SNX7: variants seen among roughly 807,000 people sequenced by gnomAD.
The protein encoded by SNX7 is sorting nexin 7.
SNX7 carries 35 observed loss-of-function variants against 48.4 expected under a neutral mutation model. That is an observed-to-expected ratio of 0.72 (90% CI 0.55 to 0.96). The LOEUF is 0.96. SNX7 is among the 40% of genes least tolerant of loss of function. The pLI, the probability that SNX7 is intolerant of heterozygous loss-of-function variation, is 0.00. For synonymous variants in SNX7, 190 were observed against 190.2 expected (o/e 1.00, Z 0.01); for missense variants, 553 against 548.9 (o/e 1.01, Z -0.07).
chr1:98,720,711 T>A (rs1446556019), intron 7 of SNX7, among the ~76,000 whole-genome samples: 1 of 152,150 alleles, frequency 6.6e-6, no homozygotes, highest in Admixed American at 6.6e-5. Context: ...CACATGTGGC[T>A]ATTGGTACCA....
chr1:98,727,003 G>T (rs1341467103), intron 7 of SNX7, among the ~76,000 whole-genome samples: 1 of 152,172 alleles, frequency 6.6e-6, no homozygotes, highest in Non-Finnish European at 1.5e-5. Flanking sequence ...GAGATCAGAA[G>T]ATCGAGACCA....
rs376006567 is a variant in SNX7 at position 98,691,937 on chromosome 1, A to ACACACTCTCTCTCTCT, written c.639+239_639+240insACACTCTCTCTCTCTC. Among the ~76,000 whole-genome samples the ACACACTCTCTCTCTCT allele has an allele frequency of 8.3e-3, 1,085 of 131,142 alleles. 6 individuals carry two copies. The highest frequency in any genetic ancestry group is 0.013 in the South Asian group (48 of 3,752). The allele number at this position is 131,142 out of a possible 152,430, so 86.0% of individuals were successfully genotyped here. On this transcript the variant is annotated intron_variant, in intron 4 of 8. Transcript: ENST00000306121. Reference sequence around the variant, plus strand: ...TATACACACACACACACACACACACACTCTCTCTCTCTCTCTCTCTCTCTC... The same window carrying ACACACTCTCTCTCTCT: ...TATACACACACACACACACACACACACACACTCTCTCTCTCTCTCTCTCTCTCTCTCTCTCTCTCTC...
At chr1:98,723,041 C>G (rs1652967894) in intron 7 of SNX7, among the ~76,000 whole-genome samples, 2 of 152,016 alleles carry the variant, frequency 1.3e-5, no homozygotes, top group Non-Finnish European at 2.9e-5. Context: ...ATGAATAGAC[C>G]CCAGGCCCCT....
rs1304378699 is a variant in SNX7, at chr1:98,738,304, G to T, written c.1193G>T (p.Trp398Leu). 6.2e-7 allele frequency: 1 copy of T among 1,613,576 alleles called. No individual in the cohort carries two copies. The stretch of plus-strand genomic sequence containing the variant: ...GCTAATAATGCCCTGAAAGCAGATT[G>T]GGAGAGATGGAAACAAAATATGCAA... ...ECANNALKAD[W>L]ERWKQNMQND... The change falls in exon 8 of 9, where the codon TGG becomes TTG. Residue 398 changes from tryptophan to leucine, a missense_variant. By Grantham distance (61) the Trp-to-Leu change is moderately conservative. Coordinates refer to ENST00000306121, the MANE Select transcript of SNX7 (RefSeq NM_015976.5).
intron 8 of SNX7, 34 bp from the exon 9 acceptor site, chr1:98,760,020 G>A (rs745622955): frequency 2.2e-6 from 3 of 1,363,652 alleles, no homozygotes; most frequent in Non-Finnish European, 3.2e-6. Flanking sequence ...GTAAACTATT[G>A]TTGATTGCCT....
At chr1:98,694,381 A>AAG (rs1209529549) in intron 4 of SNX7, among the ~76,000 whole-genome samples, 1 of 151,792 alleles carries the variant, frequency 6.6e-6, no homozygotes, top group African/African-American at 2.4e-5. Context: ...AAAAAAAAAA[A>AAG]AAAAAAAAAG....
chr1:98,695,016 A>G (rs779914728), intron 4 of SNX7, among the ~76,000 whole-genome samples: 61 of 152,302 alleles, frequency 4.0e-4, no homozygotes, highest in Non-Finnish European at 6.5e-4. Context: ...AATTACGTGT[A>G]TTAAAATGTC....
chr1:98,711,131 C>T lies in SNX7; in HGVS notation c.1125+9228C>T, dbSNP rs1016099174. 3.0e-4 allele frequency among the ~76,000 whole-genome samples: 46 copies of T among 152,246 alleles called. 2 individuals are homozygous for T. The highest frequency in any genetic ancestry group is 2.9e-3 in the Admixed American group (45 of 15,288). On this transcript the variant is annotated intron_variant, in intron 7 of 8. Coordinates refer to ENST00000306121, the MANE Select transcript of SNX7 (RefSeq NM_015976.5). Reference sequence around the variant, plus strand: ...TCCCGGGTTCAAGTGATTCTCCTGCCTCAGCCTCCCAAGTAGTGGGGATTA... The same window carrying T: ...TCCCGGGTTCAAGTGATTCTCCTGCTTCAGCCTCCCAAGTAGTGGGGATTA...
At chr1:98,746,716 G>A (rs1438978096) in intron 8 of SNX7, among the ~76,000 whole-genome samples, 1 of 152,008 alleles carries the variant, frequency 6.6e-6, no homozygotes, top group African/African-American at 2.4e-5. Context: ...AACTGCCTTT[G>A]AACTTATGTT....
chr1:98,739,241 C>G (rs771157598), intron 8 of SNX7, among the ~76,000 whole-genome samples: 1 of 152,078 alleles, frequency 6.6e-6, no homozygotes, highest in Non-Finnish European at 1.5e-5. Context: ...GGGAGTAGAG[C>G]TCAGGCAGTA....
At chr1:98,684,087 A>T (rs992791564) in intron 1 of SNX7, among the ~76,000 whole-genome samples, 5 of 152,110 alleles carry the variant, frequency 3.3e-5, no homozygotes, top group African/African-American at 1.2e-4. Context: ...GGTGCCTCCA[A>T]TTCTTGAACC....
At chr1:98,720,234 A>G (rs532621183) in intron 7 of SNX7, among the ~76,000 whole-genome samples, 1 of 151,866 alleles carries the variant, frequency 6.6e-6, no homozygotes, top group African/African-American at 2.4e-5. Context: ...TAAAATATTT[A>G]TAATAATAAT....
chr1:98,742,996 A>G (rs1373053699), intron 8 of SNX7, among the ~76,000 whole-genome samples: 1 of 151,900 alleles, frequency 6.6e-6, no homozygotes, highest in Non-Finnish European at 1.5e-5. Flanking sequence ...ATAGTTAAAC[A>G]TTTGTTTTTT....
intron 8 of SNX7, among the ~76,000 whole-genome samples, chr1:98,745,399 T>A (rs901573953): frequency 2.0e-5 from 3 of 151,972 alleles, no homozygotes; most frequent in Admixed American, 1.3e-4. Flanking sequence ...CATAACAAGG[T>A]GCATTTCTTT....
At chr1:98,705,742 T>G (rs909175339) in intron 7 of SNX7, among the ~76,000 whole-genome samples, 3 of 152,140 alleles carry the variant, frequency 2.0e-5, no homozygotes, top group African/African-American at 7.2e-5. Context: ...AAAGATGGAC[T>G]GTAGTCAGGT....
intron 7 of SNX7, among the ~76,000 whole-genome samples, chr1:98,717,154 A>G (rs1331223198): frequency 6.6e-6 from 1 of 152,106 alleles, no homozygotes; most frequent in Non-Finnish European, 1.5e-5. Flanking sequence ...TGTTAACTAG[A>G]TCAACAAGTC....
At chr1:98,751,337 T>G (rs891725739) in intron 8 of SNX7, among the ~76,000 whole-genome samples, 6 of 152,098 alleles carry the variant, frequency 3.9e-5, no homozygotes, top group Non-Finnish European at 2.9e-5. Context: ...AGAGATTTAT[T>G]TTCAAAACTG....
rs1245538400 is a variant in SNX7 at position 98,758,391 on chromosome 1, C to T, written c.1279-1663C>T. Among the ~76,000 whole-genome samples, 5 of 151,988 alleles carry T rather than the reference C, an allele frequency of 3.3e-5. No homozygotes were observed. The East Asian group carries it at 7.7e-4, about 24-fold the overall frequency. ...TGACCCTGACTCCTCTACTCCCCTC[C>T]CCTCCTCTTCCTATTTTATTTTGTT... On this transcript the variant is annotated intron_variant, in intron 8 of 8. Coordinates refer to ENST00000306121, the MANE Select transcript of SNX7 (RefSeq NM_015976.5).
intron 8 of SNX7, among the ~76,000 whole-genome samples, chr1:98,757,783 G>A (rs1654925880): frequency 6.6e-6 from 1 of 152,034 alleles, no homozygotes; most frequent in African/African-American, 2.4e-5. Flanking sequence ...TCCAGTCCCT[G>A]TTATACCCTC....
Sources: gnomAD v4.1 joint callset for allele counts (sites outside exome capture counted in the v4.1 genomes callset) on GRCh38, gnomAD v4.1.1 for gene constraint, MANE v1.5 for transcripts, NCBI Gene and HGNC (gene_info 2026-07-23, HGNC 2026-07-21) for gene names.